The following NLRP1 variants were observed in gnomAD, a reference collection of about 807,000 sequenced individuals.
NLRP1 encodes NLR family pyrin domain containing 1, also known as NACHT, LRR and PYD domains-containing protein 1.
Under a neutral mutation model 136.7 loss-of-function variants are expected in NLRP1, and 94 were observed. The ratio of observed to expected loss-of-function variants is 0.69; its 90% CI spans 0.58 to 0.82. The LOEUF (loss-of-function observed/expected upper bound fraction) is 0.82. NLRP1 is among the 40% of genes least tolerant of loss of function. The probability of loss-of-function intolerance (pLI) is 0.00; values close to 1 mark genes in which losing one functional copy is unlikely to be tolerated. For missense variants in NLRP1, 1,575 were observed against 1,802.7 expected (o/e 0.87, Z 2.29); for synonymous variants, 690 against 725.1 (o/e 0.95, Z 0.78).
In NLRP1 at chr17:5,541,371, T is replaced by A. The variant is rs1466773960; in HGVS notation, c.2699+486A>T. Among the ~76,000 whole-genome samples, 1 of 152,150 alleles carries A rather than the reference T, an allele frequency of 6.6e-6. No individual in the cohort carries two copies. On this transcript the variant is annotated intron_variant, in intron 6 of 16. Transcript: ENST00000572272. The surrounding 1 kb of genome is among the most constrained non-coding windows in gnomAD (Gnocchi z 4.2). ...TGTTTCTACATGGTGGCGGGGGGGA[T>A]GGCTCTGTCCCCTCGGATGAGATAG... is the stretch of plus-strand genomic sequence containing the variant.
At chr17:5,579,772 A>G (rs75289965) in intron 3 of NLRP1, among the ~76,000 whole-genome samples, 2,705 of 152,324 alleles carry the variant, frequency 0.018, 75 homozygotes, top group African/African-American at 0.062. Flanking sequence ...CAGCAACTTG[A>G]ATGGAGTTGG....
intron 6 of NLRP1, among the ~76,000 whole-genome samples, chr17:5,540,892 G>T (rs764304769): frequency 6.6e-6 from 1 of 152,122 alleles, no homozygotes; most frequent in Non-Finnish European, 1.5e-5. Flanking sequence ...GATCTCGCAA[G>T]GTGTAAACAA....
intron 7 of NLRP1, 124 bp downstream of exon 7, chr17:5,539,291 T>A: frequency 1.2e-6 from 1 of 827,600 alleles, no homozygotes; most frequent in Non-Finnish European, 1.8e-6. Context: ...AGTCACACAG[T>A]GTAAGTGGTA....
At chr17:5,582,296 A>G (rs1905756142) in intron 2 of NLRP1, among the ~76,000 whole-genome samples, 1 of 152,082 alleles carries the variant, frequency 6.6e-6, no homozygotes, top group Non-Finnish European at 1.5e-5. Flanking sequence ...TCTGTCTGGA[A>G]AACAGAGTCC....
Position 5,582,652 on chromosome 17 carries a change from T to A in NLRP1, c.448+18A>T. ...ACAGCTCCACCCAGGGCTGTCAGCC[T>A]GCCTCAGCAAGCCTCACCTCTCCAG... On this transcript the variant is annotated intron_variant, in intron 2 of 16. Transcript: ENST00000572272. 1.2e-6 allele frequency: 2 copies of A among 1,613,106 alleles called. No homozygotes were observed.
chr17:5,554,579 C>T (rs954849801), intron 4 of NLRP1, among the ~76,000 whole-genome samples: 2 of 152,164 alleles, frequency 1.3e-5, no homozygotes, highest in Non-Finnish European at 2.9e-5. Flanking sequence ...CTCTATCCCT[C>T]ACTCCGTCTC....
At chr17:5,561,374 C>A (rs1486797152) in intron 3 of NLRP1, among the ~76,000 whole-genome samples, 1 of 151,000 alleles carries the variant, frequency 6.6e-6, no homozygotes, top group East Asian at 2.0e-4. Context: ...GTCTTTTACT[C>A]AAACAAGTTT....
At chr17:5,560,134 G>T (rs1047230551) in intron 3 of NLRP1, 91 bp from the exon 4 acceptor site, 2 of 1,160,214 alleles carry the variant, frequency 1.7e-6, no homozygotes, top group Non-Finnish European at 2.4e-6. Context: ...CCTACTCCAA[G>T]CCACACACTG....
chr17:5,526,049 A>C (rs1230194290), intron 12 of NLRP1, among the ~76,000 whole-genome samples: 1 of 150,606 alleles, frequency 6.6e-6, no homozygotes, highest in Non-Finnish European at 1.5e-5. Context: ...ATCATGACTC[A>C]CTGTAGCCTT....
downstream of NLRP1, chr17:5,512,187 C>CT (rs1907684639): frequency 8.4e-7 from 1 of 1,190,954 alleles, no homozygotes; most frequent in Non-Finnish European, 1.3e-6. Flanking sequence ...GGCAATCTTT[C>CT]TTTAAATGTT....
chr17:5,581,437 T>G (rs1185656574), intron 3 of NLRP1, among the ~76,000 whole-genome samples: 2 of 152,226 alleles, frequency 1.3e-5, no homozygotes, highest in African/African-American at 4.8e-5. Context: ...AATGTACACG[T>G]AAAGCCCTGG....
rs1289971870 is a variant in NLRP1 at position 5,532,956 on chromosome 17, C to T, written c.3162G>A (p.Val1054=). Residue 1054 remains valine (V), a synonymous_variant, in exon 11 of 17, where the codon GTG becomes GTA. Transcript: ENST00000572272. ...AEESSPEVVP[V]ELLCVPSPAS... Reference sequence around the variant, plus strand: ...CAGGAGAAGGCACGCACAAGAGTTCCACCGGTACTACCTCTGGGGAGCTTT... The same window carrying T: ...CAGGAGAAGGCACGCACAAGAGTTCTACCGGTACTACCTCTGGGGAGCTTT... 1.2e-6 allele frequency: 2 copies of T among 1,613,826 alleles called. No homozygotes were observed. The highest frequency in any genetic ancestry group is 2.2e-5 in the East Asian group (1 of 44,870).
Position 5,539,365 on chromosome 17 carries a change from AC to A in NLRP1, c.2870+49del, listed in dbSNP as rs575738077. The stretch of plus-strand genomic sequence containing the variant: ...GTCCTTTTTCCATCCCCTGTCCGAT[AC>A]CCCCCCAACCCTCTTCCCTCTGCCC... On this transcript the variant is annotated intron_variant, in intron 7 of 16. Transcript: ENST00000572272. 673 of 1,526,112 alleles carry A rather than the reference AC, an allele frequency of 4.4e-4. 2 individuals are homozygous for A. In the East Asian group the frequency reaches 8.7e-3, roughly 20 times the overall value. The allele number at this position is 1,526,112 out of a possible 1,614,324, so 94.5% of individuals were successfully genotyped here.
chr17:5,501,570 CCTT>C, exon 16 of NLRP1: 1 of 414,656 alleles, frequency 2.4e-6, no homozygotes, highest in South Asian at 3.0e-5. Context: ...CTGCCTTCTT[CCTT>C]TTTTTTCTCT....
At chr17:5,519,443 GC>G (rs1301138531) in intron 14 of NLRP1, among the ~76,000 whole-genome samples, 16 of 148,660 alleles carry the variant, frequency 1.1e-4, no homozygotes, top group Non-Finnish European at 1.5e-4. Flanking sequence ...ACCACACCTG[GC>G]CTTTTTTTTT....
intron 3 of NLRP1, among the ~76,000 whole-genome samples, chr17:5,576,517 A>G (rs1905034264): frequency 1.3e-5 from 2 of 152,244 alleles, no homozygotes; most frequent in Admixed American, 1.3e-4. Context: ...AATAAACTAG[A>G]AAATCTAGAA....
At chr17:5,542,298 G>A (rs1167303885) in intron 5 of NLRP1, among the ~76,000 whole-genome samples, 2 of 152,132 alleles carry the variant, frequency 1.3e-5, no homozygotes, top group African/African-American at 4.8e-5. Context: ...CTGGTCTACA[G>A]GGCTCTGGGG....
chr17:5,576,309 A>G (rs1449325456), intron 3 of NLRP1, among the ~76,000 whole-genome samples: 1 of 152,198 alleles, frequency 6.6e-6, no homozygotes, highest in African/African-American at 2.4e-5. Flanking sequence ...GACACAAAAA[A>G]CCTTTCAAAA....
intron 8 of NLRP1, among the ~76,000 whole-genome samples, chr17:5,534,842 A>C (rs1174045187): frequency 6.6e-6 from 1 of 151,222 alleles, no homozygotes; most frequent in African/African-American, 2.4e-5. Context: ...CTCCAATGTC[A>C]CCTGGGCCAC....
Sources: gnomAD v4.1 joint callset for allele counts (sites outside exome capture counted in the v4.1 genomes callset) on GRCh38, gnomAD v4.1.1 for gene constraint, Gnocchi (gnomAD v3.1) non-coding constraint, MANE v1.5 for transcripts, NCBI Gene and HGNC (gene_info 2026-07-23, HGNC 2026-07-21) for gene names.